Variants in GLIS3 observed in about 807,000 individuals in gnomAD.
The protein encoded by GLIS3 is GLIS family zinc finger 3.
In GLIS3, 53 loss-of-function variants were observed where a neutral mutation model predicts 78.6. That is an observed-to-expected ratio of 0.67 (90% CI 0.54 to 0.85). The LOEUF is 0.85. Among genes scored for constraint, GLIS3 ranks in the 40% least tolerant of loss-of-function variants. The pLI is 0.00. For missense variants in GLIS3, 1,703 were observed against 1,231.1 expected (o/e 1.38, Z -5.74); for synonymous variants, 684 against 509.9 (o/e 1.34, Z -4.60).
chr9:4,028,199 G>A (rs978923378), intron 4 of GLIS3, among the ~76,000 whole-genome samples: 5 of 152,134 alleles, frequency 3.3e-5, no homozygotes, highest in Non-Finnish European at 5.9e-5. Flanking sequence ...AGGAGCCTAC[G>A]TATCTTAAAT....
chr9:4,436,432 G>T, the GLIS3 span, among the ~76,000 whole-genome samples: 1 of 152,098 alleles, frequency 6.6e-6, no homozygotes. Flanking sequence ...TTCAATCTCT[G>T]TCTGTTCAGG....
intron 4 of GLIS3, among the ~76,000 whole-genome samples, chr9:3,959,207 T>C (rs769957167): frequency 1.3e-5 from 2 of 152,176 alleles, no homozygotes; most frequent in African/African-American, 4.8e-5. Context: ...AATGCCCATA[T>C]AGAAAGAGAC....
chr9:3,824,599 A>G lies in GLIS3; in HGVS notation c.*3673T>C, dbSNP rs1179149977. 2 of 152,532 alleles carry G rather than the reference A, an allele frequency of 1.3e-5. No homozygotes were observed. The highest frequency in any genetic ancestry group is 2.9e-5 in the Non-Finnish European group (2 of 68,046). The allele number at this position is 152,532 out of a possible 1,614,324, so 9.4% of individuals were successfully genotyped here. ...ATTATATGAAACATAACTGTGACAA[A>G]TCACAAAACTATACATATTAATAGA... On this transcript the variant is annotated 3_prime_UTR_variant, in exon 11 of 11. Transcript: ENST00000381971.
the GLIS3 span, among the ~76,000 whole-genome samples, chr9:4,402,026 G>C: frequency 6.6e-6 from 1 of 152,130 alleles, no homozygotes; most frequent in Non-Finnish European, 1.5e-5. Context: ...CTGGCTCCCA[G>C]ACAACATCTC....
intron 7 of GLIS3, among the ~76,000 whole-genome samples, chr9:3,887,450 C>G (rs1379706199): frequency 6.6e-6 from 1 of 152,166 alleles, no homozygotes; most frequent in Non-Finnish European, 1.5e-5. Context: ...TGAGCTTAAG[C>G]GTGCTGCTAT....
the GLIS3 span, among the ~76,000 whole-genome samples, chr9:4,367,395 C>T: frequency 6.6e-6 from 1 of 152,050 alleles, no homozygotes; most frequent in Non-Finnish European, 1.5e-5. Flanking sequence ...AGTGAAACAC[C>T]ATCACCTTCC....
upstream of GLIS3, among the ~76,000 whole-genome samples, chr9:4,304,514 T>C (rs967913644): frequency 4.6e-5 from 7 of 152,126 alleles, no homozygotes; most frequent in Admixed American, 4.6e-4. Flanking sequence ...ACCAGGTCAG[T>C]TGCATCATAC....
intron 2 of GLIS3, among the ~76,000 whole-genome samples, chr9:4,202,506 G>C (rs566467827): frequency 6.6e-6 from 1 of 151,550 alleles, no homozygotes; most frequent in African/African-American, 2.4e-5. Context: ...AGCCCAAACA[G>C]CCAAAGCAAT....
chr9:4,373,501 C>G, the GLIS3 span, among the ~76,000 whole-genome samples: 1 of 152,236 alleles, frequency 6.6e-6, no homozygotes, highest in East Asian at 1.9e-4. Context: ...ACTGTTGAAG[C>G]TGCACGTATT....
chr9:4,193,603 G>A (rs1276978664), intron 2 of GLIS3, among the ~76,000 whole-genome samples: 4 of 152,160 alleles, frequency 2.6e-5, no homozygotes, highest in Non-Finnish European at 5.9e-5. Flanking sequence ...AATAACATAG[G>A]GTACAAAATC....
chr9:3,855,870 G>T, intron 9 of GLIS3, 139 bp downstream of exon 9: 1 of 936,036 alleles, frequency 1.1e-6, no homozygotes, highest in Non-Finnish European at 1.7e-6. Flanking sequence ...TATCAAGTGT[G>T]AAATTTTAGA....
intron 8 of GLIS3, among the ~76,000 whole-genome samples, chr9:3,856,567 T>C (rs1369877198): frequency 1.3e-5 from 2 of 152,266 alleles, no homozygotes; most frequent in Non-Finnish European, 2.9e-5. Context: ...TTGATCCGTA[T>C]GTTTCTGAAT....
intron 4 of GLIS3, among the ~76,000 whole-genome samples, chr9:3,940,885 A>T (rs1402146325): frequency 6.6e-6 from 1 of 152,208 alleles, no homozygotes; most frequent in Admixed American, 6.5e-5. Context: ...TGTGCATGAA[A>T]GCAAGGTCAA....
intron 2 of GLIS3, among the ~76,000 whole-genome samples, chr9:4,244,238 T>C (rs77036180): frequency 1.3e-5 from 2 of 152,346 alleles, no homozygotes; most frequent in East Asian, 3.9e-4. Flanking sequence ...TGTCCTTCAT[T>C]GCCTGTGTGA....
chr9:4,005,992 T>A (rs377425474), intron 4 of GLIS3, among the ~76,000 whole-genome samples: 1 of 152,312 alleles, frequency 6.6e-6, no homozygotes, highest in East Asian at 1.9e-4. Flanking sequence ...ATTTGCCATG[T>A]GGACATAACA....
the GLIS3 span, among the ~76,000 whole-genome samples, chr9:4,447,864 C>A: frequency 6.6e-6 from 1 of 152,196 alleles, no homozygotes; most frequent in African/African-American, 2.4e-5. Flanking sequence ...CATTCTTTTT[C>A]TGGTTCCCTT....
At chr9:4,157,238 T>A (rs148597254) in intron 2 of GLIS3, among the ~76,000 whole-genome samples, 121 of 152,274 alleles carry the variant, frequency 7.9e-4, no homozygotes, top group African/African-American at 2.8e-3. Flanking sequence ...GAAAGGAAGA[T>A]GGCCATTGAT....
chr9:4,272,705 C>T (rs1173921807), intron 2 of GLIS3, among the ~76,000 whole-genome samples: 1 of 152,120 alleles, frequency 6.6e-6, no homozygotes, highest in African/African-American at 2.4e-5. Flanking sequence ...ACTCACTGGC[C>T]CCAATAAGTA....
At chr9:4,139,830 G>A (rs1833673534) in intron 2 of GLIS3, among the ~76,000 whole-genome samples, 1 of 152,186 alleles carries the variant, frequency 6.6e-6, no homozygotes, top group Non-Finnish European at 1.5e-5. Context: ...CTGCTGATCT[G>A]ACACGAGGCG....
Sources: gnomAD v4.1 joint callset for allele counts (sites outside exome capture counted in the v4.1 genomes callset) on GRCh38, gnomAD v4.1.1 for gene constraint, MANE v1.5 for transcripts, NCBI Gene and HGNC (gene_info 2026-07-23, HGNC 2026-07-21) for gene names.